CYYR1: variants seen among roughly 807,000 people sequenced by gnomAD.
CYYR1 encodes the protein cysteine and tyrosine-rich protein 1.
In CYYR1, 14 loss-of-function variants were observed where a neutral mutation model predicts 15.2. The ratio of observed to expected loss-of-function variants is 0.92; its 90% CI spans 0.61 to 1.44. CYYR1 has a LOEUF of 1.44. Ranked by LOEUF, CYYR1 falls within the 40% of genes most tolerant of loss-of-function variation. The pLI, the probability that CYYR1 is intolerant of heterozygous loss-of-function variation, is 0.00. For missense variants in CYYR1, 228 were observed against 209.5 expected, an observed-to-expected ratio of 1.09 and a Z score of -0.54; for synonymous variants, 80 against 77.4, an observed-to-expected ratio of 1.03 and a Z score of -0.18.
chr21:26,480,231 C>A, intron 3 of CYYR1, 41 bp downstream of exon 3: 1 of 1,562,336 alleles, frequency 6.4e-7, no homozygotes, highest in Admixed American at 2.0e-5. Context: ...CAGAGGATAA[C>A]TAGCAAATCT....
intron 2 of CYYR1, among the ~76,000 whole-genome samples, chr21:26,500,877 A>G (rs2065472593): frequency 6.6e-6 from 1 of 152,188 alleles, no homozygotes. Flanking sequence ...AGAAGACTTG[A>G]GGACTCAGCC....
chr21:26,533,986 A>C (rs1290313581), intron 2 of CYYR1, among the ~76,000 whole-genome samples: 1 of 152,134 alleles, frequency 6.6e-6, no homozygotes, highest in Non-Finnish European at 1.5e-5. Flanking sequence ...TAACTGCGCC[A>C]CAGAAACAGA....
chr21:26,515,641 T>C (rs746274220), intron 2 of CYYR1, among the ~76,000 whole-genome samples: 2 of 152,158 alleles, frequency 1.3e-5, no homozygotes, highest in Non-Finnish European at 2.9e-5. Flanking sequence ...TATTCAGAAC[T>C]GCTCTCTTTC....
chr21:26,541,044 AG>A (rs1978516639), intron 2 of CYYR1, among the ~76,000 whole-genome samples: 1 of 152,208 alleles, frequency 6.6e-6, no homozygotes, highest in Non-Finnish European at 1.5e-5. Context: ...TAAGGATGAA[AG>A]AAGAGTCAGT....
intron 1 of CYYR1, among the ~76,000 whole-genome samples, chr21:26,567,024 A>C (rs976202611): frequency 1.8e-4 from 27 of 148,454 alleles, no homozygotes; most frequent in Non-Finnish European, 3.9e-4. Flanking sequence ...AAAAAAAAAA[A>C]AAAAGAGTCT....
chr21:26,522,734 G>T (rs2065817078), intron 2 of CYYR1, among the ~76,000 whole-genome samples: 1 of 152,006 alleles, frequency 6.6e-6, no homozygotes, highest in Non-Finnish European at 1.5e-5. Flanking sequence ...AGACACAGCT[G>T]ATGATCATAT....
chr21:26,542,278 TGTGTGTGTGTGC>T (rs1229433376), intron 2 of CYYR1, among the ~76,000 whole-genome samples: 4 of 49,696 alleles, frequency 8.0e-5, no homozygotes, highest in East Asian at 2.1e-3. Context: ...AGAGAGAATA[TGTGTGTGTGTGC>T]GTGTGTGTGT....
intron 2 of CYYR1, among the ~76,000 whole-genome samples, chr21:26,537,928 T>G (rs1042837762): frequency 6.6e-5 from 10 of 152,160 alleles, no homozygotes; most frequent in African/African-American, 2.4e-4. Context: ...ATAGCAGATA[T>G]GCCCATGCCT....
At chr21:26,507,274 T>C (rs954822075) in intron 2 of CYYR1, among the ~76,000 whole-genome samples, 1 of 152,172 alleles carries the variant, frequency 6.6e-6, no homozygotes, top group Non-Finnish European at 1.5e-5. Context: ...GGTTTCAAGT[T>C]GATGAGGCAA....
intron 2 of CYYR1, among the ~76,000 whole-genome samples, chr21:26,542,912 A>G (rs1162329252): frequency 6.6e-6 from 1 of 152,234 alleles, no homozygotes; most frequent in Non-Finnish European, 1.5e-5. Flanking sequence ...AGGAAATTTA[A>G]CAAAGGCAAG....
At chr21:26,514,081 T>C (rs1191204520) in intron 2 of CYYR1, among the ~76,000 whole-genome samples, 1 of 151,194 alleles carries the variant, frequency 6.6e-6, no homozygotes, top group African/African-American at 2.4e-5. Flanking sequence ...AAAAAAACCA[T>C]GCCCAAGGTA....
chr21:26,505,800 A>AT (rs774300232), intron 2 of CYYR1, among the ~76,000 whole-genome samples: 1 of 135,980 alleles, frequency 7.4e-6, no homozygotes, highest in African/African-American at 2.7e-5. Flanking sequence ...GTTAATACAT[A>AT]TTTTAAAAAA....
chr21:26,482,552 C>T, intron 2 of CYYR1: 2 of 977,682 alleles, frequency 2.0e-6, no homozygotes, highest in Non-Finnish European at 1.2e-6. Context: ...TGGTGAACTG[C>T]ATTGTTTGTT....
chr21:26,477,065 A>G (rs1361631603), intron 3 of CYYR1, among the ~76,000 whole-genome samples: 1 of 152,138 alleles, frequency 6.6e-6, no homozygotes, highest in Admixed American at 6.6e-5. Context: ...CACCTCGTGT[A>G]GAGTAATAAT....
At position 26,472,576 on chromosome 21, in the gene CYYR1, T is replaced by A. The variant is rs191887583; in HGVS notation, c.335-3942A>T. Among the ~76,000 whole-genome samples, 42 of 152,274 alleles carry A rather than the reference T, an allele frequency of 2.8e-4. 1 individual carries two copies. Among genetic ancestry groups the A allele is most frequent in the Admixed American group, 2.6e-3 (40 of 15,294 alleles). On this transcript the variant is annotated intron_variant, in intron 3 of 3. Transcript: ENST00000652641. ...TGACACTGTTTTACATCTTGTCCAC[T>A]GTTTGTTATTCATATTGAGTGAATT...
intron 2 of CYYR1, chr21:26,564,782 C>T: frequency 8.0e-7 from 1 of 1,246,324 alleles, no homozygotes; most frequent in Non-Finnish European, 1.0e-6. Flanking sequence ...TTTGACTTCA[C>T]ATTCTCCAAG....
At chr21:26,489,337 G>C (rs574945886) in intron 2 of CYYR1, among the ~76,000 whole-genome samples, 12 of 152,182 alleles carry the variant, frequency 7.9e-5, no homozygotes, top group African/African-American at 2.9e-4. Context: ...AGAGTTCAAT[G>C]GTAAATGCTT....
At chr21:26,481,880 A>G (rs558201490) in intron 2 of CYYR1, among the ~76,000 whole-genome samples, 40 of 152,176 alleles carry the variant, frequency 2.6e-4, no homozygotes, top group African/African-American at 9.6e-4. Context: ...TAATAACAGA[A>G]TAATTGCCAT....
chr21:26,524,825 A>G (rs1448519474), intron 2 of CYYR1, among the ~76,000 whole-genome samples: 1 of 152,196 alleles, frequency 6.6e-6, no homozygotes, highest in Admixed American at 6.5e-5. Context: ...CTACAGGTAA[A>G]GACGATGTTT....
Sources: gnomAD v4.1 joint callset for allele counts (sites outside exome capture counted in the v4.1 genomes callset) on GRCh38, gnomAD v4.1.1 for gene constraint, MANE v1.5 for transcripts, NCBI Gene and HGNC (gene_info 2026-07-23, HGNC 2026-07-21) for gene names.